Variants in NOD1 observed in about 807,000 individuals in gnomAD.
NOD1 encodes the protein nucleotide-binding oligomerization domain-containing protein 1.
In NOD1, 70 loss-of-function variants were observed where a neutral mutation model predicts 81.2. The ratio of observed to expected loss-of-function variants is 0.86; its 90% CI spans 0.71 to 1.05. The LOEUF (loss-of-function observed/expected upper bound fraction) is 1.05, where lower values mean the gene tolerates loss of function less well. Ranked by LOEUF, NOD1 falls within the 50% of genes least tolerant of loss-of-function variation. The pLI, the probability that NOD1 is intolerant of heterozygous loss-of-function variation, is 0.00. For synonymous variants in NOD1, 508 were observed against 526.9 expected (o/e 0.96, Z 0.49); for missense variants, 1,233 against 1,228.0 (o/e 1.00, Z -0.06).
In NOD1 at chr7:30,425,726, A is replaced by G. The variant is rs1188373882; in HGVS notation, c.2790-16T>C. On this transcript the variant is annotated splice_polypyrimidine_tract_variant and intron_variant, in intron 13 of 13. Transcript: ENST00000222823. ...TCCATTTAGGCTGTTGAAAAGGAGG[A>G]AGACAAAAGTACACAGGTAAAATGT... 6.3e-7 allele frequency: 1 copy of G among 1,587,830 alleles called. No individual in the cohort carries two copies. The highest frequency in any genetic ancestry group is 1.3e-5 in the African/African-American group (1 of 74,560).
chr7:30,438,492 T>C (rs1042855812), intron 9 of NOD1, among the ~76,000 whole-genome samples: 5 of 152,208 alleles, frequency 3.3e-5, no homozygotes, highest in African/African-American at 9.6e-5. Flanking sequence ...ACACAAAGCG[T>C]TGGCTGTTCC....
rs1383320806 is a variant in NOD1, at chr7:30,452,880, G to T, written c.537C>A (p.Ser179Arg). 1.2e-6 allele frequency: 2 copies of T among 1,613,948 alleles called. No homozygotes were observed. The highest frequency in any genetic ancestry group is 2.2e-5 in the East Asian group (1 of 44,880). Residue 179 changes from serine (S) to arginine (R), a missense_variant, in exon 6 of 14, where the codon AGC becomes AGA. Coordinates refer to ENST00000222823, the MANE Select transcript of NOD1 (RefSeq NM_006092.4). ...TGGTGTGGTCCAGGAGGCAGGCCAGGCTGTTCAGGCTGCCCAGGCTCTCAT... is the reference window on the plus strand; with the variant it reads ...TGGTGTGGTCCAGGAGGCAGGCCAGTCTGTTCAGGCTGCCCAGGCTCTCAT... ...FSNESLGSLNSLACLLDHTTG... is the reference protein window; with the variant it reads ...FSNESLGSLNRLACLLDHTTG...
chr7:30,428,778 AGTT>A (rs1783688039), intron 13 of NOD1, among the ~76,000 whole-genome samples: 1 of 152,142 alleles, frequency 6.6e-6, no homozygotes. Flanking sequence ...CAGGCAATTA[AGTT>A]GTTAAGGGAG....
chr7:30,456,971 G>T lies in NOD1; in HGVS notation c.-50C>A, dbSNP rs749727287. 2.0e-6 allele frequency: 3 copies of T among 1,514,670 alleles called. No individual in the cohort carries two copies. Among genetic ancestry groups the T allele is most frequent in the Non-Finnish European group, 2.8e-6 (3 of 1,090,460 alleles). The allele number at this position is 1,514,670 out of a possible 1,614,324, so 93.8% of individuals were successfully genotyped here. ...TTCCCAAATTCATCTTCAGCTGCGT[G>T]TGTCCTCTCAGCAGAAGGGCAATCA... On this transcript the variant is annotated 5_prime_UTR_variant, in exon 4 of 14. Transcript: ENST00000222823.
intron 9 of NOD1, among the ~76,000 whole-genome samples, chr7:30,437,967 G>A (rs1359630364): frequency 1.3e-5 from 2 of 152,222 alleles, no homozygotes; most frequent in Middle Eastern, 3.2e-3. Context: ...CCAGGAGCCT[G>A]AGCTCATGAG....
chr7:30,450,603 T>C (rs993662048), intron 6 of NOD1, among the ~76,000 whole-genome samples: 3 of 152,206 alleles, frequency 2.0e-5, no homozygotes, highest in Non-Finnish European at 2.9e-5. Context: ...GAAGGGCTGC[T>C]AGCGTTGATC....
chr7:30,438,840 CAAAG>C (rs1180874702), intron 9 of NOD1, among the ~76,000 whole-genome samples: 1 of 152,018 alleles, frequency 6.6e-6, no homozygotes, highest in African/African-American at 2.4e-5. Flanking sequence ...AAAAGTTGTA[CAAAG>C]AGAGAGAAGG....
intron 13 of NOD1, among the ~76,000 whole-genome samples, chr7:30,426,817 T>TG (rs1191927348): frequency 6.6e-6 from 1 of 152,102 alleles, no homozygotes; most frequent in Non-Finnish European, 1.5e-5. Flanking sequence ...CCAGACCCTT[T>TG]GCACATGCTG....
rs1308030400 is a variant in NOD1 at position 30,448,309 on chromosome 7, C to A, written c.2274G>T (p.Val758=). 6.2e-7 allele frequency: 1 copy of A among 1,613,464 alleles called. No individual in the cohort carries two copies. Among genetic ancestry groups the A allele is most frequent in the South Asian group, 1.1e-5 (1 of 91,078 alleles). The change falls in exon 7 of 14, where the codon GTG becomes GTT. Residue 758 remains valine, a synonymous_variant. Transcript: ENST00000222823. ...GGAGAAAGACATACCCCAAATAGGT[C>A]ACAATTTTGTATTTGGTCAGCTCTT... The part of the protein sequence containing the change: ...LSEELTKYKI[V]TYLGLYNNQI...
rs1012243127 is a variant in NOD1, at chr7:30,478,686, G to C, written c.-432C>G. 6.6e-6 allele frequency: 1 copy of C among 152,390 alleles called. No individual in the cohort carries two copies. The highest frequency in any genetic ancestry group is 2.4e-5 in the African/African-American group (1 of 41,464). 9.4% of individuals were successfully genotyped at this position (152,390 alleles called of 1,614,324 possible). A position where few individuals can be genotyped will look rare whatever the true frequency, so the allele number is the denominator to read the frequency against. Reference sequence around the variant, plus strand: ...GAGCGCCATGGTCCGGGGACGCCGGGGCCGGGAAGCGCCGTGGCCCGGGAG... The same window carrying C: ...GAGCGCCATGGTCCGGGGACGCCGGCGCCGGGAAGCGCCGTGGCCCGGGAG... On this transcript the variant is annotated 5_prime_UTR_variant, in exon 1 of 14. Coordinates refer to ENST00000222823, the MANE Select transcript of NOD1 (RefSeq NM_006092.4). This position sits in a 1 kb window ranked among gnomAD's most constrained non-coding sequence, Gnocchi z 4.1.
At chr7:30,448,037 G>A (rs911570447) in intron 7 of NOD1, 90 of 463,940 alleles carry the variant, frequency 1.9e-4, no homozygotes, top group Middle Eastern at 5.8e-4. Flanking sequence ...TTATATTCTC[G>A]TTGCATCCCC....
chr7:30,465,421 T>A (rs1042110280), intron 1 of NOD1, among the ~76,000 whole-genome samples: 14 of 152,184 alleles, frequency 9.2e-5, no homozygotes, highest in Non-Finnish European at 4.4e-5. Flanking sequence ...CTAGCAAACA[T>A]GATCCATTTA....
intron 1 of NOD1, chr7:30,469,026 C>T (rs1419028105): frequency 3.0e-6 from 3 of 985,346 alleles, no homozygotes; most frequent in Non-Finnish European, 3.6e-6. Context: ...ACAGCTTCGA[C>T]AGAGCTGCAC....
intron 9 of NOD1, among the ~76,000 whole-genome samples, chr7:30,445,277 C>CT (rs1240882139): frequency 1.7e-4 from 9 of 54,120 alleles, no homozygotes; most frequent in East Asian, 5.5e-4. Context: ...AAAAAAGAAT[C>CT]TAAAAAAAAA....
intron 1 of NOD1, among the ~76,000 whole-genome samples, chr7:30,471,826 T>A (rs370085822): frequency 3.9e-5 from 6 of 152,194 alleles, no homozygotes; most frequent in African/African-American, 1.4e-4. Context: ...CCCTAGTCCA[T>A]CCACTGAAGC....
In NOD1 at chr7:30,460,643, G is replaced by T. The variant is rs1786947195; in HGVS notation, c.-351-602C>A. 7.1e-6 allele frequency: 7 copies of T among 985,448 alleles called. 1 individual carries two copies. Among genetic ancestry groups the T allele is most frequent in the African/African-American group, 7.0e-5 (4 of 57,354 alleles). The allele number at this position is 985,448 out of a possible 1,614,324, so 61.0% of individuals were successfully genotyped here. A position where few individuals can be genotyped will look rare whatever the true frequency, so the allele number is the denominator to read the frequency against. On this transcript the variant is annotated intron_variant, in intron 1 of 13. Transcript: ENST00000222823. ...TGGAAAAATGAAGCAGAGGAGATCG[G>T]AGGAGGGTGAGTCCACCACCAAAAG...
In NOD1 at chr7:30,451,075, T is replaced by C; in HGVS notation, c.2201+141A>G. 1 of 1,052,442 alleles carries C rather than the reference T, an allele frequency of 9.5e-7. No homozygotes were observed. Among genetic ancestry groups the C allele is most frequent in the Non-Finnish European group, 1.3e-6 (1 of 750,422 alleles). 65.2% of individuals were successfully genotyped at this position (1,052,442 alleles called of 1,614,324 possible). A position where few individuals can be genotyped will look rare whatever the true frequency, so the allele number is the denominator to read the frequency against. On this transcript the variant is annotated intron_variant, in intron 6 of 13. Coordinates refer to ENST00000222823, the MANE Select transcript of NOD1 (RefSeq NM_006092.4). The surrounding 1 kb of genome is among the most constrained non-coding windows in gnomAD (Gnocchi z 4.2). ...AAGCTTTGCACCTTGACCTCTGCCCTGCTAAGAAAGAAAAGGTCTGGACAT... is the reference window on the plus strand; with the variant it reads ...AAGCTTTGCACCTTGACCTCTGCCCCGCTAAGAAAGAAAAGGTCTGGACAT...
At chr7:30,471,632 G>A (rs973431414) in intron 1 of NOD1, among the ~76,000 whole-genome samples, 1 of 152,228 alleles carries the variant, frequency 6.6e-6, no homozygotes, top group African/African-American at 2.4e-5. Flanking sequence ...TGGGATTTCT[G>A]GGCAACAGCT....
chr7:30,451,079 A>G lies in NOD1; in HGVS notation c.2201+137T>C. On this transcript the variant is annotated intron_variant, in intron 6 of 13. Transcript: ENST00000222823. The surrounding 1 kb of genome is among the most constrained non-coding windows in gnomAD (Gnocchi z 4.2). ...TTTGCACCTTGACCTCTGCCCTGCT[A>G]AGAAAGAAAAGGTCTGGACATTCCA... 9.4e-7 allele frequency: 1 copy of G among 1,067,524 alleles called. No individual in the cohort carries two copies. 66.1% of individuals were successfully genotyped at this position (1,067,524 alleles called of 1,614,324 possible). A position where few individuals can be genotyped will look rare whatever the true frequency, so the allele number is the denominator to read the frequency against.
Sources: allele counts gnomAD v4.1 joint callset (sites outside exome capture counted in the v4.1 genomes callset), GRCh38; gene constraint gnomAD v4.1.1; non-coding constraint Gnocchi (gnomAD v3.1); transcripts MANE v1.5; gene names NCBI Gene and HGNC (gene_info 2026-07-23, HGNC 2026-07-21).